The following ARHGEF10L variants were observed in gnomAD, a reference collection of about 807,000 sequenced individuals.
ARHGEF10L encodes Rho guanine nucleotide exchange factor 10 like.
ARHGEF10L carries 69 observed loss-of-function variants against 141.2 expected under a neutral mutation model. That is an observed-to-expected ratio of 0.49 (90% CI 0.40 to 0.60). The LOEUF (loss-of-function observed/expected upper bound fraction) is 0.60. ARHGEF10L is among the 20% of genes least tolerant of loss of function. The pLI is 0.00. For synonymous variants in ARHGEF10L, 711 were observed against 718.5 expected (o/e 0.99, Z 0.17); for missense variants, 1,482 against 1,734.3 (o/e 0.85, Z 2.58).
At chr1:17,618,889 A>C (rs1437228732) in intron 9 of ARHGEF10L, among the ~76,000 whole-genome samples, 1 of 152,080 alleles carries the variant, frequency 6.6e-6, no homozygotes, top group Non-Finnish European at 1.5e-5. Flanking sequence ...GGAAAGTGCC[A>C]AACCACGCTG....
At chr1:17,614,609 C>G (rs114261301) in intron 8 of ARHGEF10L, among the ~76,000 whole-genome samples, 1,978 of 152,004 alleles carry the variant, frequency 0.013, 45 homozygotes, top group African/African-American at 0.046. Context: ...CCTCCTCCCA[C>G]CCCCCAACAA....
At chr1:17,695,410 A>G in intron 28 of ARHGEF10L, 130 bp downstream of exon 28, 2 of 1,294,588 alleles carry the variant, frequency 1.5e-6, no homozygotes, top group Non-Finnish European at 1.0e-6. Flanking sequence ...GCTTCCTCTC[A>G]TCTCAGGTGG....
chr1:17,682,973 A>T (rs181174137), intron 26 of ARHGEF10L, among the ~76,000 whole-genome samples: 182 of 152,254 alleles, frequency 1.2e-3, no homozygotes, highest in Non-Finnish European at 1.8e-3. Flanking sequence ...CCTGGCAATG[A>T]ATTCTGAGCT....
intron 1 of ARHGEF10L, among the ~76,000 whole-genome samples, chr1:17,563,422 A>T (rs972950713): frequency 3.9e-5 from 6 of 152,008 alleles, no homozygotes; most frequent in Admixed American, 3.9e-4. Context: ...TTTTGTAGAC[A>T]TGGGGTTTCC....
At chr1:17,554,997 A>C (rs2077253883) in intron 1 of ARHGEF10L, among the ~76,000 whole-genome samples, 1 of 152,140 alleles carries the variant, frequency 6.6e-6, no homozygotes, top group Admixed American at 6.5e-5. Context: ...TAAAGGAATC[A>C]TCTTGCTAAA....
chr1:17,675,002 A>C (rs1460519048), intron 26 of ARHGEF10L, among the ~76,000 whole-genome samples: 1 of 152,156 alleles, frequency 6.6e-6, no homozygotes, highest in Non-Finnish European at 1.5e-5. Context: ...TCGTTAAGCA[A>C]CACGTGGCTG....
At position 17,658,233 on chromosome 1, in the gene ARHGEF10L, C is replaced by T. The variant is rs543547357; in HGVS notation, c.2860+1525C>T. On this transcript the variant is annotated intron_variant, in intron 25 of 28. Transcript: ENST00000361221. ...AGTATGAACTCATCTTAACTAATTACATCTGCAATGACCTTACTTCCCAAG... is the reference window on the plus strand; with the variant it reads ...AGTATGAACTCATCTTAACTAATTATATCTGCAATGACCTTACTTCCCAAG... Among the ~76,000 whole-genome samples, 29 of 152,320 alleles carry T rather than the reference C, an allele frequency of 1.9e-4. 1 individual carries two copies. Among genetic ancestry groups the T allele is most frequent in the African/African-American group, 6.7e-4 (28 of 41,578 alleles).
intron 4 of ARHGEF10L, among the ~76,000 whole-genome samples, chr1:17,598,316 G>T (rs982401184): frequency 6.6e-6 from 1 of 152,080 alleles, no homozygotes; most frequent in African/African-American, 2.4e-5. Context: ...TGGCCAGGCT[G>T]GTCTCAAACT....
intron 2 of ARHGEF10L, among the ~76,000 whole-genome samples, chr1:17,585,928 C>T (rs1209348746): frequency 4.6e-5 from 7 of 152,196 alleles, no homozygotes; most frequent in Admixed American, 4.6e-4. Flanking sequence ...TGTCATAATC[C>T]TTACATATAC....
chr1:17,560,572 A>T (rs1437455598), intron 1 of ARHGEF10L, among the ~76,000 whole-genome samples: 2 of 152,150 alleles, frequency 1.3e-5, no homozygotes, highest in African/African-American at 4.8e-5. Flanking sequence ...CCAAACAACG[A>T]TCTTTTTTTT....
rs116297430 is a variant in ARHGEF10L at position 17,623,474 on chromosome 1, C to T, written c.1200+299C>T. Reference sequence around the variant, plus strand: ...CCAGTCACTGTGGGCAGCCACCTGGCCGGTCACAAGCTCTCTTACCGAGCA... The same window carrying T: ...CCAGTCACTGTGGGCAGCCACCTGGTCGGTCACAAGCTCTCTTACCGAGCA... On this transcript the variant is annotated intron_variant, in intron 12 of 28. Coordinates refer to ENST00000361221, the MANE Select transcript of ARHGEF10L (RefSeq NM_018125.4). This position sits in a 1 kb window ranked among gnomAD's most constrained non-coding sequence, Gnocchi z 4.7. Among the ~76,000 whole-genome samples, 1,050 of 152,278 alleles carry T rather than the reference C, an allele frequency of 6.9e-3. 14 individuals carry two copies. The highest frequency in any genetic ancestry group is 0.024 in the African/African-American group (995 of 41,548).
intron 1 of ARHGEF10L, among the ~76,000 whole-genome samples, chr1:17,554,581 TC>T (rs1024617105): frequency 3.5e-5 from 5 of 142,602 alleles, no homozygotes; most frequent in Non-Finnish European, 7.5e-5. Flanking sequence ...TTTCCTTCCT[TC>T]CTTTTTTTTT....
At chr1:17,547,516 T>G (rs2076959616) in intron 1 of ARHGEF10L, among the ~76,000 whole-genome samples, 1 of 152,246 alleles carries the variant, frequency 6.6e-6, no homozygotes, top group South Asian at 2.1e-4. Flanking sequence ...CAGCTCTCAT[T>G]ACTCCCCTCT....
chr1:17,578,189 C>T (rs935048387), intron 1 of ARHGEF10L, among the ~76,000 whole-genome samples: 23 of 152,150 alleles, frequency 1.5e-4, no homozygotes, highest in Non-Finnish European at 3.1e-4. Context: ...GGCAGCAGAG[C>T]CCTCAGAGAA....
At chr1:17,577,508 G>T (rs560786423) in intron 1 of ARHGEF10L, among the ~76,000 whole-genome samples, 4 of 152,190 alleles carry the variant, frequency 2.6e-5, no homozygotes, top group African/African-American at 9.6e-5. Context: ...GGTGGCAGGG[G>T]GCTGCTGTGA....
intron 1 of ARHGEF10L, among the ~76,000 whole-genome samples, chr1:17,576,520 G>C (rs983774325): frequency 5.9e-5 from 9 of 152,150 alleles, no homozygotes; most frequent in African/African-American, 2.2e-4. Context: ...AAGGGGAACT[G>C]TTCAGTGTCC....
rs906213162 is a variant in ARHGEF10L at position 17,541,695 on chromosome 1, C to T, written c.-44+1745C>T. ...AAAATGCAAAAATTATGGCCAGGCT[C>T]AGTAGCTCATGTCTGTAATCCCAGC... On this transcript the variant is annotated intron_variant, in intron 1 of 28. Coordinates refer to ENST00000361221, the MANE Select transcript of ARHGEF10L (RefSeq NM_018125.4). Among the ~76,000 whole-genome samples the T allele has an allele frequency of 1.4e-4, 22 of 151,994 alleles. 1 individual carries two copies. The highest frequency in any genetic ancestry group is 4.8e-4 in the African/African-American group (20 of 41,350).
the ARHGEF10L span, among the ~76,000 whole-genome samples, chr1:17,517,896 A>G: frequency 6.6e-6 from 1 of 152,178 alleles, no homozygotes; most frequent in East Asian, 1.9e-4. Context: ...TCCTGAGCTC[A>G]GATGATCCAA....
rs2076645204 is a variant in ARHGEF10L, at chr1:17,539,746, G to A, written c.-248G>A. The A allele has an allele frequency of 6.8e-6, 1 of 146,266 alleles. No individual in the cohort carries two copies. The highest frequency in any genetic ancestry group is 1.8e-4 in the South Asian group (1 of 5,452). The allele number at this position is 146,266 out of a possible 1,614,324, so 9.1% of individuals were successfully genotyped here. ...GGGACCAGGCCTCGGAGCGCGGCGG[G>A]CGCGGGCGCAGTCCCGGCGGGCCCG... is the stretch of plus-strand genomic sequence containing the variant. On this transcript the variant is annotated 5_prime_UTR_variant, in exon 1 of 29. Coordinates refer to ENST00000361221, the MANE Select transcript of ARHGEF10L (RefSeq NM_018125.4). This position sits in a 1 kb window ranked among gnomAD's most constrained non-coding sequence, Gnocchi z 6.0.
Sources: allele counts gnomAD v4.1 joint callset (sites outside exome capture counted in the v4.1 genomes callset), GRCh38; gene constraint gnomAD v4.1.1; non-coding constraint Gnocchi (gnomAD v3.1); transcripts MANE v1.5; gene names NCBI Gene and HGNC (gene_info 2026-07-23, HGNC 2026-07-21).